Variants in ATP6V1A observed in about 807,000 individuals in gnomAD.
The protein encoded by ATP6V1A is ATPase H+ transporting V1 subunit A.
In ATP6V1A, 18 loss-of-function variants were observed where a neutral mutation model predicts 70.1. That is an observed-to-expected ratio of 0.26 (90% CI 0.18 to 0.38). ATP6V1A has a LOEUF of 0.38. Among genes scored for constraint, ATP6V1A ranks in the 10% least tolerant of loss-of-function variants. ATP6V1A has a pLI of 1.00. For missense variants in ATP6V1A, 424 were observed against 772.4 expected (o/e 0.55, Z 5.35); for synonymous variants, 232 against 253.8 (o/e 0.91, Z 0.82).
chr3:113,800,935 G>A (rs1007305035), intron 12 of ATP6V1A, among the ~76,000 whole-genome samples: 3 of 151,968 alleles, frequency 2.0e-5, no homozygotes, highest in Non-Finnish European at 4.4e-5. Context: ...TGAGTGGATG[G>A]CTTGACTCCA....
chr3:113,781,213 A>G (rs567585187), intron 3 of ATP6V1A, 35 bp downstream of exon 3: 19 of 1,577,256 alleles, frequency 1.2e-5, no homozygotes, highest in African/African-American at 6.8e-5. Flanking sequence ...GCCACTTTCT[A>G]TATTTCAAAA....
At chr3:113,767,277 A>T (rs1318833118) in intron 1 of ATP6V1A, among the ~76,000 whole-genome samples, 1 of 151,926 alleles carries the variant, frequency 6.6e-6, no homozygotes, top group Non-Finnish European at 1.5e-5. Flanking sequence ...TTTTTAGTAG[A>T]GACCAGGTTT....
At chr3:113,804,501 G>A (rs1316775654) in intron 13 of ATP6V1A, among the ~76,000 whole-genome samples, 1 of 151,818 alleles carries the variant, frequency 6.6e-6, no homozygotes, top group Non-Finnish European at 1.5e-5. Flanking sequence ...TTTAAATTTT[G>A]AGAATTTAGC....
chr3:113,762,306 C>T (rs1411243229), intron 1 of ATP6V1A, among the ~76,000 whole-genome samples: 1 of 151,708 alleles, frequency 6.6e-6, no homozygotes, highest in Non-Finnish European at 1.5e-5. Flanking sequence ...CAGCAGCTCA[C>T]GCCTGTAATC....
In ATP6V1A at chr3:113,780,660, A is replaced by G. The variant is rs1440397950; in HGVS notation, c.83-390A>G. On this transcript the variant is annotated intron_variant, in intron 2 of 14. Coordinates refer to ENST00000273398, the MANE Select transcript of ATP6V1A (RefSeq NM_001690.4). The stretch of plus-strand genomic sequence containing the variant: ...CACAGCGAAGTGATAATTGTGTGGC[A>G]TTCTACCATACTACTAGCCAAACCA... The G allele has an allele frequency of 1.0e-5, 10 of 958,784 alleles. No homozygotes were observed. The East Asian group carries it at 5.5e-4, about 52-fold the overall frequency. The allele number at this position is 958,784 out of a possible 1,614,324, so 59.4% of individuals were successfully genotyped here.
At chr3:113,756,208 G>A (rs1708645295) in intron 1 of ATP6V1A, among the ~76,000 whole-genome samples, 1 of 152,178 alleles carries the variant, frequency 6.6e-6, no homozygotes, top group African/African-American at 2.4e-5. Context: ...TCCAGAGATT[G>A]CTGCCATAAT....
chr3:113,795,053 T>C (rs1353197701), intron 9 of ATP6V1A, 37 bp from the exon 10 acceptor site: 12 of 1,613,598 alleles, frequency 7.4e-6, no homozygotes, highest in Non-Finnish European at 1.0e-5. Flanking sequence ...GGGGCTGGCT[T>C]AGAAACTCTG....
chr3:113,781,215 A>C, intron 3 of ATP6V1A, 37 bp downstream of exon 3: 1 of 1,574,748 alleles, frequency 6.4e-7, no homozygotes, highest in African/African-American at 1.4e-5. Flanking sequence ...CACTTTCTAT[A>C]TTTCAAAATT....
chr3:113,785,311 A>T (rs1168741325), intron 5 of ATP6V1A, among the ~76,000 whole-genome samples: 1 of 152,134 alleles, frequency 6.6e-6, no homozygotes, highest in East Asian at 1.9e-4. Context: ...GTGGTGGCGC[A>T]CGCCTGTAAT....
At chr3:113,756,543 T>A (rs1260705648) in intron 1 of ATP6V1A, among the ~76,000 whole-genome samples, 3 of 152,186 alleles carry the variant, frequency 2.0e-5, no homozygotes, top group Non-Finnish European at 4.4e-5. Flanking sequence ...ATCCCTGAAT[T>A]GTGTGTGATC....
chr3:113,748,302 G>A (rs908363488), intron 1 of ATP6V1A, among the ~76,000 whole-genome samples: 1 of 152,082 alleles, frequency 6.6e-6, no homozygotes, highest in Admixed American at 6.5e-5. Context: ...TGTGCTTTAG[G>A]GAAGAATGTT....
At chr3:113,808,122 C>G (rs1464825901) in intron 14 of ATP6V1A, among the ~76,000 whole-genome samples, 1 of 146,034 alleles carries the variant, frequency 6.8e-6, no homozygotes. Flanking sequence ...AAGAGCAAAA[C>G]TCTGTCTGAA....
At chr3:113,788,291 A>G (rs1267131083) in intron 6 of ATP6V1A, among the ~76,000 whole-genome samples, 3 of 150,238 alleles carry the variant, frequency 2.0e-5, no homozygotes, top group African/African-American at 7.3e-5. Flanking sequence ...TCTTTCTTTA[A>G]CTTGTGTTTT....
chr3:113,807,687 G>A (rs1709291991), intron 14 of ATP6V1A, among the ~76,000 whole-genome samples: 1 of 152,132 alleles, frequency 6.6e-6, no homozygotes, highest in South Asian at 2.1e-4. Flanking sequence ...GAAAGAGGAT[G>A]AAGAAGAAAT....
At chr3:113,775,409 T>C (rs1013576788) in intron 1 of ATP6V1A, among the ~76,000 whole-genome samples, 18 of 152,228 alleles carry the variant, frequency 1.2e-4, no homozygotes, top group Middle Eastern at 3.4e-3. Flanking sequence ...TTTGTATTTT[T>C]AGTAGAGACA....
At position 113,810,064 on chromosome 3, in the gene ATP6V1A, C is replaced by T. The variant is rs1361599707; in HGVS notation, c.*637C>T. Reference sequence around the variant, plus strand: ...TTTTTTATTATTTTTTTTTTGGGGACGGAGTGTCCCTCTTGTTGCCCAGGC... The same window carrying T: ...TTTTTTATTATTTTTTTTTTGGGGATGGAGTGTCCCTCTTGTTGCCCAGGC... On this transcript the variant is annotated 3_prime_UTR_variant, in exon 15 of 15. Coordinates refer to ENST00000273398, the MANE Select transcript of ATP6V1A (RefSeq NM_001690.4). 5.4e-5 allele frequency: 8 copies of T among 148,862 alleles called. No homozygotes were observed. Among genetic ancestry groups the T allele is most frequent in the African/African-American group, 1.2e-4 (5 of 40,336 alleles). 9.2% of individuals were successfully genotyped at this position (148,862 alleles called of 1,614,324 possible). A position where few individuals can be genotyped will look rare whatever the true frequency, so the allele number is the denominator to read the frequency against.
chr3:113,807,720 C>A (rs1207099222), intron 14 of ATP6V1A, among the ~76,000 whole-genome samples: 1 of 152,080 alleles, frequency 6.6e-6, no homozygotes, highest in Non-Finnish European at 1.5e-5. Context: ...ATGATGATTT[C>A]TATTTACATG....
chr3:113,785,506 C>CTTTTTTTTTTTTTTT (rs987781968), intron 5 of ATP6V1A, among the ~76,000 whole-genome samples: 34 of 107,140 alleles, frequency 3.2e-4, no homozygotes, highest in East Asian at 1.4e-3. Context: ...TTTTTCTTTT[C>CTTTTTTTTTTTTTTT]TTTTTTTTTT....
intron 1 of ATP6V1A, among the ~76,000 whole-genome samples, chr3:113,769,292 T>G (rs1040919111): frequency 6.6e-6 from 1 of 152,196 alleles, no homozygotes; most frequent in Non-Finnish European, 1.5e-5. Flanking sequence ...AAGATACCTT[T>G]CTCTAAAAAG....
Sources: allele counts gnomAD v4.1 joint callset (sites outside exome capture counted in the v4.1 genomes callset), GRCh38; gene constraint gnomAD v4.1.1; transcripts MANE v1.5; gene names NCBI Gene and HGNC (gene_info 2026-07-23, HGNC 2026-07-21).